The following MAGI2 variants were observed in gnomAD, a reference collection of about 807,000 sequenced individuals.
MAGI2 encodes the protein membrane associated guanylate kinase, WW and PDZ domain containing 2, also known as membrane-associated guanylate kinase, WW and PDZ domain-containing protein 2.
Under a neutral mutation model 133.3 loss-of-function variants are expected in MAGI2, and 35 were observed. That is an observed-to-expected ratio of 0.26 (90% CI 0.20 to 0.35). The LOEUF (loss-of-function observed/expected upper bound fraction) is 0.35. Among genes scored for constraint, MAGI2 ranks in the 10% least tolerant of loss-of-function variants. The pLI, the probability that MAGI2 is intolerant of heterozygous loss-of-function variation, is 1.00. For missense variants in MAGI2, 1,636 were observed against 1,863.4 expected (o/e 0.88, Z 2.25); for synonymous variants, 729 against 710.6 (o/e 1.03, Z -0.41).
chr7:78,294,714 A>G (rs1797057635), intron 9 of MAGI2, among the ~76,000 whole-genome samples: 1 of 152,110 alleles, frequency 6.6e-6, no homozygotes, highest in African/African-American at 2.4e-5. Flanking sequence ...ATCAACAAGT[A>G]TTTACTGAGC....
intron 1 of MAGI2, among the ~76,000 whole-genome samples, chr7:79,051,703 G>GA (rs760257352): frequency 6.4e-4 from 97 of 152,034 alleles, no homozygotes; most frequent in Non-Finnish European, 1.4e-3. Flanking sequence ...ATTTATACAA[G>GA]AAAAAATGTA....
chr7:78,493,410 T>C (rs1793801131), intron 5 of MAGI2, among the ~76,000 whole-genome samples: 1 of 152,216 alleles, frequency 6.6e-6, no homozygotes, highest in Non-Finnish European at 1.5e-5. Flanking sequence ...CATTTCTCGA[T>C]TGTCTACTGT....
intron 21 of MAGI2, among the ~76,000 whole-genome samples, chr7:78,031,925 T>C (rs1809612382): frequency 6.6e-6 from 1 of 152,120 alleles, no homozygotes; most frequent in South Asian, 2.1e-4. Flanking sequence ...GGGCATAAGA[T>C]TAGTTCACTT....
intron 3 of MAGI2, among the ~76,000 whole-genome samples, chr7:78,623,573 T>C (rs1175678726): frequency 6.6e-6 from 1 of 152,112 alleles, no homozygotes; most frequent in African/African-American, 2.4e-5. Flanking sequence ...CACTAATGCA[T>C]AAAACTGTTT....
chr7:78,877,141 T>A lies in MAGI2; in HGVS notation c.418+129949A>T, dbSNP rs148576506. Among the ~76,000 whole-genome samples the A allele has an allele frequency of 3.1e-3, 473 of 152,324 alleles. 4 individuals are homozygous for A. The highest frequency in any genetic ancestry group is 0.011 in the African/African-American group (449 of 41,568). ...TTAGGGAGTGTTATAAACGTCACCT[T>A]AGAATACACACTTTTCGTGTACTGA... On this transcript the variant is annotated intron_variant, in intron 2 of 21. Coordinates refer to ENST00000354212, the MANE Select transcript of MAGI2 (RefSeq NM_012301.4).
chr7:78,894,007 G>A (rs1796997588), intron 2 of MAGI2, among the ~76,000 whole-genome samples: 1 of 152,148 alleles, frequency 6.6e-6, no homozygotes, highest in Non-Finnish European at 1.5e-5. Flanking sequence ...ATAAATGCAA[G>A]AACTGGGACA....
chr7:78,859,878 A>G (rs1178093214), intron 2 of MAGI2, among the ~76,000 whole-genome samples: 2 of 152,228 alleles, frequency 1.3e-5, no homozygotes, highest in African/African-American at 4.8e-5. Flanking sequence ...AGGTACACCA[A>G]TCAGACTTAG....
intron 1 of MAGI2, among the ~76,000 whole-genome samples, chr7:79,251,182 A>AT (rs1009542506): frequency 4.0e-4 from 61 of 152,238 alleles, no homozygotes; most frequent in African/African-American, 1.4e-3. Flanking sequence ...CTTGGCAACA[A>AT]TTTTTTTAGT....
chr7:78,731,177 C>T (rs2151225298), intron 2 of MAGI2, among the ~76,000 whole-genome samples: 1 of 152,142 alleles, frequency 6.6e-6, no homozygotes, highest in South Asian at 2.1e-4. Flanking sequence ...TATTTCTGAG[C>T]ACTTACAAAT....
In MAGI2 at chr7:78,018,524, G is replaced by C. The variant is rs991972038; in HGVS notation, c.*791C>G. The C allele has an allele frequency of 6.6e-6, 1 of 152,206 alleles. No individual in the cohort carries two copies. The highest frequency in any genetic ancestry group is 1.5e-5 in the Non-Finnish European group (1 of 68,036). The allele number at this position is 152,206 out of a possible 1,614,324, so 9.4% of individuals were successfully genotyped here. A position where few individuals can be genotyped will look rare whatever the true frequency, so the allele number is the denominator to read the frequency against. ...CATATTTTAGAGAAAAACCAATTAA[G>C]ATCTATGAGCTAAACTGCAAAATTC... is the stretch of plus-strand genomic sequence containing the variant. On this transcript the variant is annotated 3_prime_UTR_variant, in exon 22 of 22. Coordinates refer to ENST00000354212, the MANE Select transcript of MAGI2 (RefSeq NM_012301.4).
chr7:78,082,440 G>A (rs182561129), intron 20 of MAGI2, among the ~76,000 whole-genome samples: 90 of 152,180 alleles, frequency 5.9e-4, no homozygotes, highest in Non-Finnish European at 7.5e-4. Context: ...TATTTTTATC[G>A]GGTTCCCAGG....
At chr7:78,663,058 T>G (rs1038430781) in intron 2 of MAGI2, among the ~76,000 whole-genome samples, 14 of 152,124 alleles carry the variant, frequency 9.2e-5, no homozygotes, top group Admixed American at 8.5e-4. Flanking sequence ...TAAGCAACAC[T>G]GCAAATTTGA....
chr7:78,358,151 A>G (rs1169939120), intron 7 of MAGI2: 1 of 121,902 alleles, frequency 8.2e-6, no homozygotes, highest in East Asian at 2.8e-4. Flanking sequence ...CGACAGAGCA[A>G]GACTTTGCCT....
At position 78,316,920 on chromosome 7, in the gene MAGI2, A is replaced by C. The variant is rs1341605484; in HGVS notation, c.1408+26858T>G. On this transcript the variant is annotated intron_variant, in intron 9 of 21. Transcript: ENST00000354212. ...TCTTTACTTACAAATTAGGTAAATT[A>C]ATATTTTCCCTACCCTTGCTTCACC... Among the ~76,000 whole-genome samples the C allele has an allele frequency of 3.9e-5, 6 of 152,138 alleles. No homozygotes were observed. In the East Asian group the frequency reaches 1.2e-3, roughly 29 times the overall value.
chr7:78,367,205 A>T (rs1018408128), intron 7 of MAGI2, among the ~76,000 whole-genome samples: 1 of 152,070 alleles, frequency 6.6e-6, no homozygotes, highest in African/African-American at 2.4e-5. Context: ...GTTATAAAGG[A>T]TCTACCAGCA....
chr7:78,479,418 C>T (rs933355059), intron 6 of MAGI2, among the ~76,000 whole-genome samples: 1 of 151,880 alleles, frequency 6.6e-6, no homozygotes, highest in African/African-American at 2.4e-5. Flanking sequence ...ACTTTCCATC[C>T]TACAGATCCA....
At chr7:78,998,392 C>T (rs1258538742) in intron 2 of MAGI2, among the ~76,000 whole-genome samples, 1 of 152,038 alleles carries the variant, frequency 6.6e-6, no homozygotes, top group African/African-American at 2.4e-5. Flanking sequence ...GCAGAAAGAG[C>T]CATTAGAGTT....
At chr7:78,692,687 T>C (rs1817093596) in intron 2 of MAGI2, among the ~76,000 whole-genome samples, 1 of 152,186 alleles carries the variant, frequency 6.6e-6, no homozygotes, top group Non-Finnish European at 1.5e-5. Context: ...TCACATTGTG[T>C]CTCTTCAGTT....
At chr7:78,536,579 T>A (rs1190088517) in intron 3 of MAGI2, among the ~76,000 whole-genome samples, 1 of 151,904 alleles carries the variant, frequency 6.6e-6, no homozygotes, top group African/African-American at 2.4e-5. Context: ...GAAAACAGAG[T>A]AATGGTTAGG....
Sources: gnomAD v4.1 joint callset for allele counts (sites outside exome capture counted in the v4.1 genomes callset) on GRCh38, gnomAD v4.1.1 for gene constraint, MANE v1.5 for transcripts, NCBI Gene and HGNC (gene_info 2026-07-23, HGNC 2026-07-21) for gene names.